The following CAMK2D variants were observed in gnomAD, a reference collection of about 807,000 sequenced individuals.
The protein encoded by CAMK2D is calcium/calmodulin dependent protein kinase II delta, also known as calcium/calmodulin-dependent protein kinase type II subunit delta.
CAMK2D carries 37 observed loss-of-function variants against 84.0 expected under a neutral mutation model. The observed-to-expected ratio is 0.44, with a 90% CI of 0.34 to 0.58. The LOEUF is 0.58. Among genes scored for constraint, CAMK2D ranks in the 20% least tolerant of loss-of-function variants. The pLI is 0.02. For missense variants in CAMK2D, 448 were observed against 652.5 expected (o/e 0.69, Z 3.41); for synonymous variants, 202 against 212.5 (o/e 0.95, Z 0.43).
chr4:113,622,935 G>A (rs1447224512), intron 3 of CAMK2D, among the ~76,000 whole-genome samples: 1 of 152,156 alleles, frequency 6.6e-6, no homozygotes, highest in Non-Finnish European at 1.5e-5. Context: ...GCTTTAATCA[G>A]GAGTCTGCAA....
chr4:113,559,502 T>G (rs952874748), intron 4 of CAMK2D, among the ~76,000 whole-genome samples: 2 of 152,248 alleles, frequency 1.3e-5, no homozygotes, highest in African/African-American at 4.8e-5. Flanking sequence ...ATTGGCTCAC[T>G]GAAGAATGTT....
At chr4:113,517,458 A>C (rs2098299377) in intron 9 of CAMK2D, 105 bp downstream of exon 9, 2 of 525,662 alleles carry the variant, frequency 3.8e-6, no homozygotes, top group East Asian at 5.4e-5. Flanking sequence ...TAATATGAGA[A>C]AGTGGTAAAA....
At chr4:113,459,623 A>G (rs1440849237) in intron 18 of CAMK2D, among the ~76,000 whole-genome samples, 1 of 148,042 alleles carries the variant, frequency 6.8e-6, no homozygotes, top group Non-Finnish European at 1.5e-5. Flanking sequence ...CTTGAAGTGT[A>G]TTCAATCAAC....
rs532510989 is a variant in CAMK2D, at chr4:113,552,135, C to CA, written c.276-40dup. 3.3e-3 allele frequency: 3,686 copies of CA among 1,116,824 alleles called. 34 individuals are homozygous for CA. In the African/African-American group the frequency reaches 0.035, roughly 11 times the overall value. 69.2% of individuals were successfully genotyped at this position (1,116,824 alleles called of 1,614,324 possible). On this transcript the variant is annotated intron_variant, in intron 4 of 20. Transcript: ENST00000511664. ...AAACATAATCACTTTTAAAAAGAAG[C>CA]AAAAAAAAATAAGCATCAATAGATT... is the stretch of plus-strand genomic sequence containing the variant.
intron 16 of CAMK2D, among the ~76,000 whole-genome samples, chr4:113,479,359 G>A (rs759635098): frequency 7.9e-5 from 12 of 152,180 alleles, no homozygotes; most frequent in Middle Eastern, 3.4e-3. Flanking sequence ...CAAAACAGTT[G>A]AACATATCCA....
At chr4:113,737,125 CTTT>C (rs2099583124) in intron 2 of CAMK2D, among the ~76,000 whole-genome samples, 6 of 152,114 alleles carry the variant, frequency 3.9e-5, no homozygotes, top group Admixed American at 1.3e-4. Context: ...CACTGATATA[CTTT>C]CTTTCTTTTC....
chr4:113,589,536 GGTAA>G (rs998967538), intron 4 of CAMK2D, among the ~76,000 whole-genome samples: 10 of 152,100 alleles, frequency 6.6e-5, no homozygotes, highest in Non-Finnish European at 1.2e-4. Context: ...AGTCAAATAT[GGTAA>G]GTAAGAGAAG....
intron 2 of CAMK2D, among the ~76,000 whole-genome samples, chr4:113,698,670 G>A (rs1320310556): frequency 6.6e-6 from 1 of 151,878 alleles, no homozygotes; most frequent in African/African-American, 2.4e-5. Context: ...TCCACCCCTG[G>A]CTCCTTTAAT....
At chr4:113,609,481 A>T (rs1421485911) in intron 3 of CAMK2D, among the ~76,000 whole-genome samples, 1 of 152,218 alleles carries the variant, frequency 6.6e-6, no homozygotes. Flanking sequence ...AATGGTTGAG[A>T]TTAAATGAGA....
intron 12 of CAMK2D, among the ~76,000 whole-genome samples, chr4:113,510,904 T>G (rs2098203410): frequency 1.3e-5 from 2 of 152,144 alleles, no homozygotes; most frequent in Non-Finnish European, 2.9e-5. Flanking sequence ...TTGTAAGAAA[T>G]AGTTGCCTTA....
At chr4:113,702,192 T>TA (rs2099420585) in intron 2 of CAMK2D, among the ~76,000 whole-genome samples, 1 of 152,226 alleles carries the variant, frequency 6.6e-6, no homozygotes, top group South Asian at 2.1e-4. Flanking sequence ...GAGGTTACTT[T>TA]CACTAGAGTG....
chr4:113,738,531 A>T (rs1190919643), intron 2 of CAMK2D, among the ~76,000 whole-genome samples: 1 of 152,272 alleles, frequency 6.6e-6, no homozygotes, highest in East Asian at 1.9e-4. Context: ...AATGCAAAAA[A>T]ATATTTTTAA....
chr4:113,495,241 T>C (rs1257698729), intron 16 of CAMK2D, among the ~76,000 whole-genome samples: 2 of 152,220 alleles, frequency 1.3e-5, no homozygotes, highest in African/African-American at 4.8e-5. Context: ...TATTATACAC[T>C]ACACTACAGT....
At chr4:113,717,575 T>C (rs560054008) in intron 2 of CAMK2D, among the ~76,000 whole-genome samples, 1 of 152,114 alleles carries the variant, frequency 6.6e-6, no homozygotes, top group African/African-American at 2.4e-5. Context: ...CAAAAGTGAG[T>C]GTTAAGGTAA....
intron 2 of CAMK2D, among the ~76,000 whole-genome samples, chr4:113,677,100 T>C (rs1346470579): frequency 6.6e-6 from 1 of 152,210 alleles, no homozygotes; most frequent in Non-Finnish European, 1.5e-5. Flanking sequence ...GCTGGAATAC[T>C]AATCGCTCCT....
chr4:113,557,579 C>T (rs550591951), intron 4 of CAMK2D, among the ~76,000 whole-genome samples: 2 of 152,304 alleles, frequency 1.3e-5, no homozygotes, highest in East Asian at 3.9e-4. Context: ...TTATAGCATC[C>T]TTTCTATGTC....
At chr4:113,511,231 C>T (rs2098210098) in intron 12 of CAMK2D, among the ~76,000 whole-genome samples, 1 of 152,036 alleles carries the variant, frequency 6.6e-6, no homozygotes, top group Non-Finnish European at 1.5e-5. Flanking sequence ...GAATAAAATA[C>T]TCTAAAATGC....
chr4:113,636,659 C>T (rs1198099991), intron 3 of CAMK2D, among the ~76,000 whole-genome samples: 1 of 152,144 alleles, frequency 6.6e-6, no homozygotes, highest in Non-Finnish European at 1.5e-5. Context: ...GATAGATGGC[C>T]CCCTTGTCAC....
At chr4:113,734,542 A>G (rs895617023) in intron 2 of CAMK2D, among the ~76,000 whole-genome samples, 3 of 152,228 alleles carry the variant, frequency 2.0e-5, no homozygotes, top group African/African-American at 7.2e-5. Flanking sequence ...AAATTACTTA[A>G]CAAGTATGTA....
Sources: gnomAD v4.1 joint callset for allele counts (sites outside exome capture counted in the v4.1 genomes callset) on GRCh38, gnomAD v4.1.1 for gene constraint, MANE v1.5 for transcripts, NCBI Gene and HGNC (gene_info 2026-07-23, HGNC 2026-07-21) for gene names.